The following PSTK variants were observed in gnomAD, a reference collection of about 807,000 sequenced individuals.
PSTK encodes the protein phosphoseryl-tRNA kinase, also known as L-seryl-tRNA(Sec) kinase.
In PSTK, 26 loss-of-function variants were observed where a neutral mutation model predicts 38.6. The ratio of observed to expected loss-of-function variants is 0.67; its 90% CI spans 0.49 to 0.94. PSTK has a LOEUF of 0.94. PSTK is among the 40% of genes least tolerant of loss of function. The probability of loss-of-function intolerance (pLI) is 0.00; values close to 1 mark genes in which losing one functional copy is unlikely to be tolerated. For synonymous variants in PSTK, 181 were observed against 161.7 expected (o/e 1.12, Z -0.91); for missense variants, 445 against 436.3 (o/e 1.02, Z -0.18).
At chr10:122,987,532 G>A in intron 5 of PSTK, 4 of 1,609,680 alleles carry the variant, frequency 2.5e-6, no homozygotes, top group Non-Finnish European at 2.5e-6. Flanking sequence ...GTAGTCAGGG[G>A]CCAGGTGTAA....
chr10:122,989,426 AT>A lies in PSTK; in HGVS notation c.878-743del, dbSNP rs924388404. On this transcript the variant is annotated intron_variant, in intron 5 of 5. Transcript: ENST00000406217. ...GCCACCATGCCCCGCTAATTTTTGT[AT>A]TTTTAGTAGAGGAGGGGTTTCACCA... Among the ~76,000 whole-genome samples the A allele has an allele frequency of 2.6e-5, 4 of 151,964 alleles. No individual in the cohort carries two copies. The South Asian group carries it at 6.2e-4, about 24-fold the overall frequency.
At chr10:122,986,021 C>T in intron 3 of PSTK, 1 of 180,312 alleles carries the variant, frequency 5.5e-6, no homozygotes, top group South Asian at 1.4e-4. Context: ...GAGATCTAGA[C>T]CATCCTGGCT....
rs768476200 is a variant in PSTK, at chr10:122,986,861, TA to T, written c.784-6del. ...TGACTTCTAATAACAATGTCTGTAT[TA>T]ACATAGGACACAGACAGAATTATTT... On this transcript the variant is annotated splice_polypyrimidine_tract_variant and splice_region_variant and intron_variant, in intron 4 of 5. Transcript: ENST00000406217. 37 of 1,530,076 alleles carry T rather than the reference TA, an allele frequency of 2.4e-5. No homozygotes were observed. Among genetic ancestry groups the T allele is most frequent in the Non-Finnish European group, 3.2e-5 (35 of 1,104,820 alleles). 94.8% of individuals were successfully genotyped at this position (1,530,076 alleles called of 1,614,324 possible). A position where few individuals can be genotyped will look rare whatever the true frequency, so the allele number is the denominator to read the frequency against.
intron 4 of PSTK, 139 bp from the exon 5 acceptor site, chr10:122,986,730 T>C: frequency 1.6e-6 from 1 of 612,992 alleles, no homozygotes; most frequent in Non-Finnish European, 2.8e-6. Flanking sequence ...TTGGTTGGAC[T>C]CTCTTGTAGG....
In PSTK at chr10:122,982,837, T is replaced by G; in HGVS notation, c.321T>G (p.Thr107=). The stretch of plus-strand genomic sequence containing the variant: ...AGATGTCTGTCCCACCCAACAGGAC[T>G]GAAGCCATGTGGGAAGATTTTATAA... ...GCQMSVPPNR[T]EAMWEDFITC... The change falls in exon 2 of 6, where the codon ACT becomes ACG. Residue 107 remains threonine, a synonymous_variant. Transcript: ENST00000406217. The G allele has an allele frequency of 6.2e-7, 1 of 1,614,234 alleles. No individual in the cohort carries two copies. The highest frequency in any genetic ancestry group is 8.5e-7 in the Non-Finnish European group (1 of 1,180,020).
chr10:122,989,149 TA>T (rs1849079538), intron 5 of PSTK, among the ~76,000 whole-genome samples: 2 of 112,896 alleles, frequency 1.8e-5, no homozygotes, highest in African/African-American at 6.9e-5. Context: ...AATCTTGAGA[TA>T]GACAGTGGAT....
At position 122,990,300 on chromosome 10, in the gene PSTK, T is replaced by TA. The variant is rs749473877; in HGVS notation, c.1005dup (p.Pro336ThrfsTer10). The TA allele has an allele frequency of 7.9e-5, 120 of 1,528,628 alleles. No individual in the cohort carries two copies. Among genetic ancestry groups the TA allele is most frequent in the Non-Finnish European group, 9.7e-5 (111 of 1,138,970 alleles). 94.7% of individuals were successfully genotyped at this position (1,528,628 alleles called of 1,614,324 possible). A position where few individuals can be genotyped will look rare whatever the true frequency, so the allele number is the denominator to read the frequency against. ...CTGTGCTTTCAGCAAACCATTGACATACCAGATGTCATTTCTTTTTTTCAT... is the reference window on the plus strand; with the variant it reads ...CTGTGCTTTCAGCAAACCATTGACATAACCAGATGTCATTTCTTTTTTTCAT... On this transcript the variant is annotated frameshift_variant, in exon 6 of 6. Transcript: ENST00000406217. LOFTEE classifies it high-confidence loss of function.
intron 3 of PSTK, 138 bp downstream of exon 3, chr10:122,983,608 G>A: frequency 1.4e-6 from 1 of 738,296 alleles, no homozygotes; most frequent in Non-Finnish European, 2.1e-6. Context: ...GAAGCTAAAA[G>A]TGAAATGGGA....
rs1268254129 is a variant in PSTK, at chr10:122,987,566, G to A, written c.877+604G>A. On this transcript the variant is annotated intron_variant, in intron 5 of 5. Transcript: ENST00000406217. ...AAGATCAGCATGGAATTTGAGTAAA[G>A]TCAATGTATTATAAATCTGAATTTA... 1.6e-5 allele frequency: 25 copies of A among 1,579,690 alleles called. No individual in the cohort carries two copies. The South Asian group carries it at 2.8e-4, about 18-fold the overall frequency.
At chr10:122,981,376 AC>A (rs1252412985) in intron 1 of PSTK, among the ~76,000 whole-genome samples, 2 of 152,208 alleles carry the variant, frequency 1.3e-5, no homozygotes, top group South Asian at 2.1e-4. Flanking sequence ...TGTTCCAAAT[AC>A]ATCTCTTTAA....
chr10:122,986,992 G>T (rs767472108), intron 5 of PSTK, 30 bp downstream of exon 5: 19 of 1,410,258 alleles, frequency 1.3e-5, no homozygotes, highest in Non-Finnish European at 1.8e-5. Flanking sequence ...TGTTGAGTTG[G>T]TATGATTGTG....
In PSTK at chr10:122,980,503, A is replaced by C. The variant is rs2133352787; in HGVS notation, c.24A>C (p.Arg8Ser). MKTAENI[R>S]GTGSDGPRKR... ...GCATGAAGACCGCCGAGAACATCAGAGGAACCGGCAGCGACGGGCCGCGGA... is the reference window on the plus strand; with the variant it reads ...GCATGAAGACCGCCGAGAACATCAGCGGAACCGGCAGCGACGGGCCGCGGA... Residue 8 changes from arginine to serine, a missense_variant, in exon 1 of 6, where the codon AGA becomes AGC. Arg to Ser is a moderately radical substitution (Grantham distance 110). Coordinates refer to ENST00000406217, the MANE Select transcript of PSTK (RefSeq NM_001363531.2). This position sits in a 1 kb window ranked among gnomAD's most constrained non-coding sequence, Gnocchi z 4.3. 4.4e-6 allele frequency: 7 copies of C among 1,607,218 alleles called. No individual in the cohort carries two copies. The highest frequency in any genetic ancestry group is 5.1e-6 in the Non-Finnish European group (6 of 1,178,840).
At position 122,988,398 on chromosome 10, in the gene PSTK, T is replaced by C. The variant is rs112427595; in HGVS notation, c.877+1436T>C. The stretch of plus-strand genomic sequence containing the variant: ...AGATAGAGAGAGAGCCATATATATA[T>C]ACATATATTATATATATTTTTTGGG... On this transcript the variant is annotated intron_variant, in intron 5 of 5. Coordinates refer to ENST00000406217, the MANE Select transcript of PSTK (RefSeq NM_001363531.2). Among the ~76,000 whole-genome samples the C allele has an allele frequency of 4.0e-3, 609 of 151,982 alleles. 8 individuals are homozygous for C. Among genetic ancestry groups the C allele is most frequent in the African/African-American group, 0.014 (575 of 41,484 alleles).
Position 122,986,195 on chromosome 10 carries a change from T to C in PSTK, c.708-105T>C, listed in dbSNP as rs949256797. 5 of 606,558 alleles carry C rather than the reference T, an allele frequency of 8.2e-6. No homozygotes were observed. The African/African-American group carries it at 1.1e-4, about 13-fold the overall frequency. 37.6% of individuals were successfully genotyped at this position (606,558 alleles called of 1,614,324 possible). A position where few individuals can be genotyped will look rare whatever the true frequency, so the allele number is the denominator to read the frequency against. On this transcript the variant is annotated intron_variant, in intron 3 of 5. Coordinates refer to ENST00000406217, the MANE Select transcript of PSTK (RefSeq NM_001363531.2). ...GAGATCACGCCGCTGCACTCCAGCC[T>C]GGGTGACAGAGCAAGACTCCAGGAC...
intron 1 of PSTK, among the ~76,000 whole-genome samples, chr10:122,981,219 G>A (rs142931101): frequency 6.6e-5 from 10 of 152,310 alleles, no homozygotes; most frequent in African/African-American, 2.4e-4. Flanking sequence ...GATAGAAAGA[G>A]GCTGTACAAA....
At position 122,989,557 on chromosome 10, in the gene PSTK, G is replaced by A. The variant is rs1270065637; in HGVS notation, c.878-617G>A. On this transcript the variant is annotated intron_variant, in intron 5 of 5. Transcript: ENST00000406217. ...TTGAGCCACCAGGATATGGGTTTTT[G>A]AGATGATGAAAATGTTCTAAAATTA... Among the ~76,000 whole-genome samples, 4 of 152,120 alleles carry A rather than the reference G, an allele frequency of 2.6e-5. No homozygotes were observed. The East Asian group carries it at 7.7e-4, about 29-fold the overall frequency.
At position 122,990,160 on chromosome 10, in the gene PSTK, T is replaced by C; in HGVS notation, c.878-14T>C. 6.7e-7 allele frequency: 1 copy of C among 1,501,018 alleles called. No homozygotes were observed. The highest frequency in any genetic ancestry group is 1.3e-5 in the South Asian group (1 of 75,828). 93.0% of individuals were successfully genotyped at this position (1,501,018 alleles called of 1,614,324 possible). ...AATTTACACCAGTAATTTGAGAATA[T>C]CTTTTTATTTTAGATGAACAAGTGC... On this transcript the variant is annotated splice_polypyrimidine_tract_variant and intron_variant, in intron 5 of 5. Transcript: ENST00000406217.
chr10:122,987,067 CATCAT>C lies in PSTK; in HGVS notation c.877+106_877+110del, dbSNP rs1182728864. On this transcript the variant is annotated intron_variant, in intron 5 of 5. Coordinates refer to ENST00000406217, the MANE Select transcript of PSTK (RefSeq NM_001363531.2). ...ATTAGTTTTCAGTCATAAAAGTTCA[CATCAT>C]GTTTTCAATTTAATTATGCAATTTG... is the stretch of plus-strand genomic sequence containing the variant. 4 of 910,574 alleles carry C rather than the reference CATCAT, an allele frequency of 4.4e-6. No individual in the cohort carries two copies. In the Admixed American group the frequency reaches 7.3e-5, roughly 17 times the overall value. The allele number at this position is 910,574 out of a possible 1,614,324, so 56.4% of individuals were successfully genotyped here. A position where few individuals can be genotyped will look rare whatever the true frequency, so the allele number is the denominator to read the frequency against.
intron 5 of PSTK, among the ~76,000 whole-genome samples, chr10:122,987,666 A>C (rs1243118781): frequency 2.6e-5 from 4 of 152,210 alleles, no homozygotes; most frequent in African/African-American, 9.7e-5. Context: ...GTATTGCTAT[A>C]TTTAAAATTG....
Sources: allele counts gnomAD v4.1 joint callset (sites outside exome capture counted in the v4.1 genomes callset), GRCh38; gene constraint gnomAD v4.1.1; non-coding constraint Gnocchi (gnomAD v3.1); transcripts MANE v1.5; gene names NCBI Gene and HGNC (gene_info 2026-07-23, HGNC 2026-07-21).